PDE3B: variants seen among roughly 807,000 people sequenced by gnomAD.
The protein encoded by PDE3B is cGMP-inhibited 3',5'-cyclic phosphodiesterase 3B.
In PDE3B, 66 loss-of-function variants were observed where a neutral mutation model predicts 116.8. The observed-to-expected ratio is 0.56, with a 90% CI of 0.46 to 0.69. The LOEUF is 0.69. Among genes scored for constraint, PDE3B ranks in the 30% least tolerant of loss-of-function variants. PDE3B has a pLI of 0.00. For synonymous variants in PDE3B, 595 were observed against 533.6 expected, an observed-to-expected ratio of 1.12 and a Z score of -1.59; for missense variants, 1,384 against 1,368.1, an observed-to-expected ratio of 1.01 and a Z score of -0.18.
chr11:14,780,789 A>G, intron 2 of PDE3B, among the ~76,000 whole-genome samples: 1 of 152,244 alleles, frequency 6.6e-6, no homozygotes, highest in Admixed American at 6.5e-5. Flanking sequence ...TTCAAAAGCT[A>G]GCAGAAGGCA....
intron 1 of PDE3B, among the ~76,000 whole-genome samples, chr11:14,705,581 A>G (rs1165433709): frequency 6.6e-6 from 1 of 151,808 alleles, no homozygotes; most frequent in East Asian, 1.9e-4. Flanking sequence ...CAGTTGTACA[A>G]CATTTGTTAA....
intron 1 of PDE3B, among the ~76,000 whole-genome samples, chr11:14,663,545 C>G (rs1343756785): frequency 2.0e-5 from 3 of 151,850 alleles, no homozygotes; most frequent in Admixed American, 6.5e-5. Flanking sequence ...CAGAGACACA[C>G]ATAGGCTCAA....
At chr11:14,734,706 C>T (rs1432008042) in intron 1 of PDE3B, among the ~76,000 whole-genome samples, 1 of 152,056 alleles carries the variant, frequency 6.6e-6, no homozygotes, top group African/African-American at 2.4e-5. Flanking sequence ...TTTAACCATA[C>T]AGAAAAGTTG....
chr11:14,818,358 G>C lies in PDE3B; in HGVS notation c.1698G>C (p.Gln566His). 2 of 1,612,416 alleles carry C rather than the reference G, an allele frequency of 1.2e-6. No homozygotes were observed. The highest frequency in any genetic ancestry group is 1.7e-6 in the Non-Finnish European group (2 of 1,178,616). ...CACCTAATACTCCAGATTTTTATCA[G>C]CAACTTAGAAATTCTGATAGCAATC... ...GNAPNTPDFYQQLRNSDSNLC... is the reference protein window; with the variant it reads ...GNAPNTPDFYHQLRNSDSNLC... The change falls in exon 6 of 16, where the codon CAG becomes CAC. Residue 566 changes from glutamine (Q) to histidine (H), a missense_variant. By Grantham distance (24) the Gln-to-His change is conservative (BLOSUM62 0). This residue lies in a region of PDE3B where 956 missense variants were observed against 806.8 expected (regional missense o/e 1.18). Coordinates refer to ENST00000282096, the MANE Select transcript of PDE3B (RefSeq NM_000922.4).
chr11:14,879,956 T>C, the PDE3B span, among the ~76,000 whole-genome samples: 2 of 152,246 alleles, frequency 1.3e-5, no homozygotes, highest in Admixed American at 1.3e-4. Flanking sequence ...CAGAGATTTT[T>C]TTTACATGAA....
In PDE3B at chr11:14,650,052, C is replaced by CT. The variant is rs927816893; in HGVS notation, c.978+5011dup. Among the ~76,000 whole-genome samples the CT allele has an allele frequency of 4.2e-3, 610 of 146,232 alleles. 4 individuals are homozygous for CT. The highest frequency in any genetic ancestry group is 6.8e-3 in the African/African-American group (272 of 40,116). The stretch of plus-strand genomic sequence containing the variant: ...TTGGGGCAGAAGAGTGTATCTCCCA[C>CT]TTTTTTTTTTTTCTTTTACAACCAA... On this transcript the variant is annotated intron_variant, in intron 1 of 15. Transcript: ENST00000282096.
rs1853341841 is a variant in PDE3B, at chr11:14,644,900, T to TTGA, written c.825_826insTGA (p.His275_Pro276insTer). 6.2e-7 allele frequency: 1 copy of TTGA among 1,614,090 alleles called. No homozygotes were observed. The highest frequency in any genetic ancestry group is 2.2e-5 in the East Asian group (1 of 44,856). On this transcript the variant is annotated stop_gained and inframe_insertion, in exon 1 of 16. Transcript: ENST00000282096. LOFTEE classifies it high-confidence loss of function. ...TTCAAATCAGGGAAGCGCCTCTTCA[T>TTGA]CCTCGACTGTCCAGTGCCGCCGAAG... is the stretch of plus-strand genomic sequence containing the variant.
chr11:14,803,679 C>G (rs1405679453), intron 4 of PDE3B, among the ~76,000 whole-genome samples: 1 of 152,204 alleles, frequency 6.6e-6, no homozygotes, highest in Middle Eastern at 3.4e-3. Flanking sequence ...AAAACCATAC[C>G]CATTTGTTCA....
At chr11:14,789,065 T>C (rs2133918812) in intron 3 of PDE3B, 41 bp from the exon 4 acceptor site, 2 of 1,494,490 alleles carry the variant, frequency 1.3e-6, no homozygotes, top group East Asian at 2.3e-5. Flanking sequence ...TATAGCATAT[T>C]AAAGAGTGAC....
At chr11:14,667,379 A>G (rs1404154476) in intron 1 of PDE3B, among the ~76,000 whole-genome samples, 11 of 151,908 alleles carry the variant, frequency 7.2e-5, no homozygotes, top group Admixed American at 5.2e-4. Flanking sequence ...GCACATGTAT[A>G]CACATGTAAC....
chr11:14,800,315 G>A (rs931751086), intron 4 of PDE3B, among the ~76,000 whole-genome samples: 1 of 152,172 alleles, frequency 6.6e-6, no homozygotes, highest in Non-Finnish European at 1.5e-5. Context: ...ACATACAAAA[G>A]TTAGCTGGGC....
chr11:14,672,385 T>C (rs982859942), intron 1 of PDE3B, among the ~76,000 whole-genome samples: 5 of 152,090 alleles, frequency 3.3e-5, no homozygotes, highest in African/African-American at 1.2e-4. Context: ...TCCCATACTT[T>C]ACACACAGAA....
chr11:14,814,287 A>G (rs781335497), intron 5 of PDE3B, among the ~76,000 whole-genome samples: 3 of 152,220 alleles, frequency 2.0e-5, no homozygotes, highest in Non-Finnish European at 2.9e-5. Flanking sequence ...AAAGAAAAGG[A>G]ATAAATATTG....
intron 13 of PDE3B, among the ~76,000 whole-genome samples, chr11:14,859,708 G>A (rs1555006774): frequency 6.6e-6 from 1 of 152,106 alleles, no homozygotes; most frequent in African/African-American, 2.4e-5. Flanking sequence ...TAGCTGGCTA[G>A]TTTAGGGAAA....
At chr11:14,813,673 G>T (rs11023341) in intron 5 of PDE3B, among the ~76,000 whole-genome samples, 18,099 of 152,082 alleles carry the variant, frequency 0.12, 1,372 homozygotes, top group African/African-American at 0.22. Flanking sequence ...TGTGGTTTAG[G>T]ATATGGACAT....
rs755863175 is a variant in PDE3B at position 14,644,228 on chromosome 11, C to T, written c.153C>T (p.Leu51=). 3.8e-6 allele frequency: 6 copies of T among 1,587,292 alleles called. No homozygotes were observed. The highest frequency in any genetic ancestry group is 2.3e-5 in the East Asian group (1 of 43,164). ...QDPPRGFFFH[L]CRFCNVELRP... ...CTCCGCGCGGCTTCTTCTTCCACCT[C>T]TGCCGCTTCTGCAACGTGGAGCTGC... Residue 51 remains leucine (L), a synonymous_variant, in exon 1 of 16, where the codon CTC becomes CTT. Transcript: ENST00000282096.
intron 1 of PDE3B, among the ~76,000 whole-genome samples, chr11:14,672,028 A>AATAT (rs1401968203): frequency 3.6e-5 from 5 of 140,802 alleles, no homozygotes; most frequent in African/African-American, 7.9e-5. Context: ...AAAAAAAAAA[A>AATAT]ATATATATAT....
intron 1 of PDE3B, among the ~76,000 whole-genome samples, chr11:14,751,126 C>G (rs142356818): frequency 0.025 from 3,878 of 152,186 alleles, 188 homozygotes; most frequent in Admixed American, 0.13. Flanking sequence ...ACATTGTGCA[C>G]CTGGTGATTA....
In PDE3B at chr11:14,863,357, T is replaced by C. The variant is rs1847984767; in HGVS notation, c.2886+1991T>C. Among the ~76,000 whole-genome samples, 3 of 152,210 alleles carry C rather than the reference T, an allele frequency of 2.0e-5. No homozygotes were observed. The South Asian group carries it at 6.2e-4, about 31-fold the overall frequency. On this transcript the variant is annotated intron_variant, in intron 14 of 15. Coordinates refer to ENST00000282096, the MANE Select transcript of PDE3B (RefSeq NM_000922.4). ...CCACATCCTCTCCAGCATCTGTTGT[T>C]TCCTGACGTTCTAATGATCGCCATT...
Sources: allele counts gnomAD v4.1 joint callset (sites outside exome capture counted in the v4.1 genomes callset), GRCh38; gene constraint gnomAD v4.1.1; regional missense constraint gnomAD v4.1.1; transcripts MANE v1.5; gene names NCBI Gene and HGNC (gene_info 2026-07-23, HGNC 2026-07-21).